The following EPHA5 variants were observed in gnomAD, a reference collection of about 807,000 sequenced individuals.
EPHA5 encodes EPH receptor A5.
Under a neutral mutation model 105.0 loss-of-function variants are expected in EPHA5, and 60 were observed. The ratio of observed to expected loss-of-function variants is 0.57; its 90% CI spans 0.46 to 0.71. The LOEUF is 0.71. Ranked by LOEUF, EPHA5 falls within the 30% of genes least tolerant of loss-of-function variation. The probability of loss-of-function intolerance (pLI) is 0.00; values close to 1 mark genes in which losing one functional copy is unlikely to be tolerated. For synonymous variants in EPHA5, 513 were observed against 449.1 expected (o/e 1.14, Z -1.80); for missense variants, 1,218 against 1,274.7 (o/e 0.96, Z 0.68).
intron 2 of EPHA5, among the ~76,000 whole-genome samples, chr4:65,606,250 G>A (rs1198226546): frequency 2.0e-5 from 3 of 152,156 alleles, no homozygotes; most frequent in South Asian, 2.1e-4. Flanking sequence ...ATCGTCAACT[G>A]TATCTTAGAG....
At chr4:65,523,613 A>G (rs1219452620) in intron 3 of EPHA5, among the ~76,000 whole-genome samples, 1 of 152,012 alleles carries the variant, frequency 6.6e-6, no homozygotes, top group East Asian at 1.9e-4. Flanking sequence ...CTGATGTTCT[A>G]TGGTATTTTC....
At chr4:65,596,133 T>C (rs1285580399) in intron 3 of EPHA5, among the ~76,000 whole-genome samples, 1 of 152,144 alleles carries the variant, frequency 6.6e-6, no homozygotes, top group Non-Finnish European at 1.5e-5. Flanking sequence ...TAAAGAAAAA[T>C]GTTCACTTTT....
intron 3 of EPHA5, among the ~76,000 whole-genome samples, chr4:65,531,521 TTG>T (rs1735796172): frequency 4.1e-5 from 6 of 146,266 alleles, no homozygotes; most frequent in South Asian, 2.1e-4. Flanking sequence ...TGAGATGTCT[TTG>T]CAGAATGACC....
chr4:65,376,961 A>G (rs1470915198), intron 8 of EPHA5: 2 of 1,551,938 alleles, frequency 1.3e-6, no homozygotes, highest in Non-Finnish European at 8.8e-7. Flanking sequence ...ATATAGGTGG[A>G]CATCACATAG....
intron 1 of EPHA5, among the ~76,000 whole-genome samples, chr4:65,654,918 T>G (rs1208317103): frequency 6.8e-6 from 1 of 147,920 alleles, no homozygotes; most frequent in African/African-American, 2.5e-5. Context: ...TATTTTTATA[T>G]GTATGTATAT....
intron 15 of EPHA5, among the ~76,000 whole-genome samples, chr4:65,335,446 G>A (rs966475801): frequency 2.0e-5 from 3 of 151,956 alleles, no homozygotes; most frequent in African/African-American, 4.8e-5. Flanking sequence ...AAATCTGTGT[G>A]CAACTGGATA....
chr4:65,598,685 C>T (rs1014689791), intron 3 of EPHA5, among the ~76,000 whole-genome samples: 1 of 152,134 alleles, frequency 6.6e-6, no homozygotes, highest in South Asian at 2.1e-4. Context: ...ATTGGGGCAT[C>T]TTCTCTGTAG....
chr4:65,433,191 T>C (rs1031389656), intron 5 of EPHA5, among the ~76,000 whole-genome samples: 1 of 152,218 alleles, frequency 6.6e-6, no homozygotes, highest in African/African-American at 2.4e-5. Flanking sequence ...TTGACATAGT[T>C]CTGTATATAA....
intron 11 of EPHA5, among the ~76,000 whole-genome samples, chr4:65,363,656 A>C (rs994189471): frequency 6.6e-6 from 1 of 151,560 alleles, no homozygotes; most frequent in African/African-American, 2.4e-5. Flanking sequence ...TTTGCTTACT[A>C]TTATTACTGG....
chr4:65,504,085 G>T (rs1255989963), intron 3 of EPHA5, among the ~76,000 whole-genome samples: 1 of 151,250 alleles, frequency 6.6e-6, no homozygotes, highest in Non-Finnish European at 1.5e-5. Context: ...ATTAGAAATT[G>T]ATTAGGATTA....
At chr4:65,509,509 A>G (rs978433104) in intron 3 of EPHA5, among the ~76,000 whole-genome samples, 1 of 152,188 alleles carries the variant, frequency 6.6e-6, no homozygotes, top group Non-Finnish European at 1.5e-5. Context: ...TAAAAGACTG[A>G]TTATAGGGAT....
Position 65,601,874 on chromosome 4 carries a change from A to G in EPHA5, c.677T>C (p.Val226Ala). The G allele has an allele frequency of 6.2e-7, 1 of 1,614,144 alleles. No individual in the cohort carries two copies. The highest frequency in any genetic ancestry group is 1.7e-5 in the Admixed American group (1 of 60,018). The change falls in exon 3 of 17, where the codon GTG becomes GCG. Residue 226 changes from valine (V) to alanine (A), a missense_variant. Coordinates refer to ENST00000613740, the MANE Select transcript of EPHA5 (RefSeq NM_001281766.3). ...DVGACIALVS[V>A]RVYYKKCPSV... is the part of the protein sequence containing the mutation. ...AGGGCATTTTTTATAGTATACACGC[A>G]CAGAAACCAGAGCAATGCAAGCACC...
chr4:65,420,661 G>T, intron 5 of EPHA5, 96 bp from the exon 6 acceptor site: 5 of 1,136,562 alleles, frequency 4.4e-6, no homozygotes, highest in South Asian at 1.9e-5. Flanking sequence ...TGAGAACGTA[G>T]CAATATAAAA....
chr4:65,658,797 A>C (rs1749290543), intron 1 of EPHA5, among the ~76,000 whole-genome samples: 1 of 152,026 alleles, frequency 6.6e-6, no homozygotes, highest in African/African-American at 2.4e-5. Flanking sequence ...AAAATGTTGC[A>C]CTGATTCTTC....
chr4:65,379,881 T>C (rs1199037632), intron 8 of EPHA5, among the ~76,000 whole-genome samples: 1 of 151,814 alleles, frequency 6.6e-6, no homozygotes, highest in Non-Finnish European at 1.5e-5. Flanking sequence ...TAATATGTTA[T>C]TAAGAAAACT....
chr4:65,481,405 A>G (rs1269957789), intron 5 of EPHA5, among the ~76,000 whole-genome samples: 1 of 152,224 alleles, frequency 6.6e-6, no homozygotes, highest in Non-Finnish European at 1.5e-5. Context: ...ATATTTGGAT[A>G]AATAGGAGGA....
intron 3 of EPHA5, among the ~76,000 whole-genome samples, chr4:65,582,476 A>G (rs1741723297): frequency 1.2e-5 from 1 of 84,042 alleles, no homozygotes. Context: ...GCAATTGGGA[A>G]AAAAAAAAAA....
Position 65,352,036 on chromosome 4 carries a change from G to T in EPHA5, c.2236-438C>A, listed in dbSNP as rs532389150. 2.6e-4 allele frequency among the ~76,000 whole-genome samples: 39 copies of T among 152,096 alleles called. 2 individuals carry two copies. In the South Asian group the frequency reaches 5.4e-3, roughly 21 times the overall value. Reference sequence around the variant, plus strand: ...GTTTCTGTAACAGCAGATGGGAGACGGGTGACTGAGCAGTGATCAGGTCAA... The same window carrying T: ...GTTTCTGTAACAGCAGATGGGAGACTGGTGACTGAGCAGTGATCAGGTCAA... On this transcript the variant is annotated intron_variant, in intron 12 of 16. Transcript: ENST00000613740.
intron 8 of EPHA5, among the ~76,000 whole-genome samples, chr4:65,392,814 A>G (rs115790775): frequency 0.013 from 2,046 of 152,298 alleles, 49 homozygotes; most frequent in African/African-American, 0.047. Context: ...ACCACTTCAA[A>G]TGGAGATTGA....
Sources: allele counts gnomAD v4.1 joint callset (sites outside exome capture counted in the v4.1 genomes callset), GRCh38; gene constraint gnomAD v4.1.1; transcripts MANE v1.5; gene names NCBI Gene and HGNC (gene_info 2026-07-23, HGNC 2026-07-21).